Variants in DLGAP2 observed in about 807,000 individuals in gnomAD.
DLGAP2 encodes the protein DLG associated protein 2.
In DLGAP2, 26 loss-of-function variants were observed where a neutral mutation model predicts 100.3. That is an observed-to-expected ratio of 0.26 (90% CI 0.19 to 0.36). The LOEUF (loss-of-function observed/expected upper bound fraction) is 0.36. DLGAP2 is among the 10% of genes least tolerant of loss of function. The pLI, the probability that DLGAP2 is intolerant of heterozygous loss-of-function variation, is 1.00. For synonymous variants in DLGAP2, 886 were observed against 630.1 expected (o/e 1.41, Z -6.08); for missense variants, 1,858 against 1,453.2 (o/e 1.28, Z -4.53).
At chr8:1,586,012 T>A (rs150228999) in intron 6 of DLGAP2, among the ~76,000 whole-genome samples, 33 of 152,366 alleles carry the variant, frequency 2.2e-4, no homozygotes, top group African/African-American at 7.7e-4. Flanking sequence ...TACAATTTCC[T>A]TTTTTCTCCC....
intron 3 of DLGAP2, among the ~76,000 whole-genome samples, chr8:1,455,999 G>T (rs1563160211): frequency 6.6e-6 from 1 of 152,194 alleles, no homozygotes; most frequent in African/African-American, 2.4e-5. Context: ...AAGACCTGAT[G>T]CCCCATGATG....
chr8:963,560 A>G (rs1371814061), intron 2 of DLGAP2, among the ~76,000 whole-genome samples: 1 of 152,204 alleles, frequency 6.6e-6, no homozygotes, highest in Non-Finnish European at 1.5e-5. Flanking sequence ...TCCTCTCAAC[A>G]CAACGTAAGC....
At position 1,464,329 on chromosome 8, in the gene DLGAP2, G is replaced by C. The variant is rs1758532594; in HGVS notation, c.107-37037G>C. Among the ~76,000 whole-genome samples the C allele has an allele frequency of 1.5e-5, 2 of 130,930 alleles. 1 individual carries two copies. Among genetic ancestry groups the C allele is most frequent in the Non-Finnish European group, 3.3e-5 (2 of 61,468 alleles). The allele number at this position is 130,930 out of a possible 152,430, so 85.9% of individuals were successfully genotyped here. A position where few individuals can be genotyped will look rare whatever the true frequency, so the allele number is the denominator to read the frequency against. ...CCCTTCCAGGACAACGCCCTTCCAG[G>C]ACGGCACCCTTCCAGGACGGCACCC... On this transcript the variant is annotated intron_variant, in intron 3 of 14. Coordinates refer to ENST00000637795, the MANE Select transcript of DLGAP2 (RefSeq NM_001346810.2).
At chr8:1,034,518 T>C (rs1420497599) in intron 2 of DLGAP2, among the ~76,000 whole-genome samples, 2 of 59,922 alleles carry the variant, frequency 3.3e-5, no homozygotes, top group Admixed American at 1.5e-4. Flanking sequence ...CGCGAGTGGA[T>C]TCACACCCTC....
Position 921,321 on chromosome 8 carries a change from G to T in DLGAP2, c.73+13355G>T, listed in dbSNP as rs1783158434. ...TCCTCCCTGTTGCAGTGTTGAGTGT[G>T]GATGCGTGTCTATGGCCATTTCTGT... is the stretch of plus-strand genomic sequence containing the variant. On this transcript the variant is annotated intron_variant, in intron 2 of 14. Transcript: ENST00000637795. 1.3e-5 allele frequency among the ~76,000 whole-genome samples: 2 copies of T among 152,102 alleles called. 1 individual carries two copies. The highest frequency in any genetic ancestry group is 4.1e-4 in the South Asian group (2 of 4,824).
At chr8:881,267 C>G (rs1360909020) in intron 1 of DLGAP2, among the ~76,000 whole-genome samples, 2 of 152,170 alleles carry the variant, frequency 1.3e-5, no homozygotes, top group Non-Finnish European at 2.9e-5. Flanking sequence ...AGTCATACAT[C>G]TACATGGAGT....
At chr8:1,415,008 CAAAAGAAAAAAAA>C (rs1373813907) in intron 3 of DLGAP2, among the ~76,000 whole-genome samples, 1 of 150,438 alleles carries the variant, frequency 6.6e-6, no homozygotes, top group Non-Finnish European at 1.5e-5. Context: ...GACTCCGTCT[CAAAAGAAAAAAAA>C]AGAAGAAAAA....
chr8:1,701,421 G>T lies in DLGAP2; in HGVS notation c.*15G>T. On this transcript the variant is annotated 3_prime_UTR_variant, in exon 15 of 15. Coordinates refer to ENST00000637795, the MANE Select transcript of DLGAP2 (RefSeq NM_001346810.2). Reference sequence around the variant, plus strand: ...CCCGGCTCTGAGGGCGGAGGCCGGCGCCTTCCCCTCGTCGCTTCCGCTTTC... The same window carrying T: ...CCCGGCTCTGAGGGCGGAGGCCGGCTCCTTCCCCTCGTCGCTTCCGCTTTC... The T allele has an allele frequency of 1.9e-6, 3 of 1,568,844 alleles. No homozygotes were observed. Among genetic ancestry groups the T allele is most frequent in the Admixed American group, 1.8e-5 (1 of 54,110 alleles).
intron 4 of DLGAP2, among the ~76,000 whole-genome samples, chr8:1,537,162 G>T (rs941181709): frequency 1.3e-5 from 2 of 152,136 alleles, no homozygotes; most frequent in African/African-American, 2.4e-5. Context: ...AAGCCTCTGG[G>T]TTCTCCTGGA....
intron 1 of DLGAP2, among the ~76,000 whole-genome samples, chr8:779,866 A>G (rs1821640779): frequency 1.3e-5 from 2 of 151,916 alleles, no homozygotes; most frequent in Admixed American, 6.6e-5. Context: ...ATAAATTTAT[A>G]TTTTATTTTA....
At chr8:869,156 A>G (rs1797552404) in intron 1 of DLGAP2, among the ~76,000 whole-genome samples, 1 of 152,020 alleles carries the variant, frequency 6.6e-6, no homozygotes, top group South Asian at 2.1e-4. Flanking sequence ...TTACATATAC[A>G]GCTTAGTGTA....
chr8:989,749 A>T (rs944380996), intron 2 of DLGAP2, among the ~76,000 whole-genome samples: 2 of 152,180 alleles, frequency 1.3e-5, no homozygotes, highest in African/African-American at 2.4e-5. Flanking sequence ...AATCTTATGA[A>T]ATACATAATA....
At chr8:1,482,716 G>A (rs1387385379) in intron 3 of DLGAP2, among the ~76,000 whole-genome samples, 2 of 152,224 alleles carry the variant, frequency 1.3e-5, no homozygotes, top group African/African-American at 2.4e-5. Context: ...CCTGGGATGC[G>A]CTTCCTTCCA....
chr8:1,207,771 G>A (rs1798026136), intron 2 of DLGAP2, among the ~76,000 whole-genome samples: 1 of 152,140 alleles, frequency 6.6e-6, no homozygotes, highest in Non-Finnish European at 1.5e-5. Flanking sequence ...CAGGAGTGAG[G>A]TGGTGTCACA....
intron 2 of DLGAP2, among the ~76,000 whole-genome samples, chr8:1,050,727 C>G (rs761846426): frequency 1.3e-5 from 2 of 152,196 alleles, no homozygotes; most frequent in Non-Finnish European, 2.9e-5. Context: ...TTTAAAGTAT[C>G]TTCTCCTTAA....
chr8:1,516,135 G>A (rs753047001), intron 4 of DLGAP2, among the ~76,000 whole-genome samples: 3 of 152,126 alleles, frequency 2.0e-5, no homozygotes, highest in East Asian at 3.9e-4. Context: ...GGAAAGGAAA[G>A]AGGGAGGGAA....
chr8:1,678,821 C>G, intron 12 of DLGAP2, 192 bp downstream of exon 12: 1 of 601,576 alleles, frequency 1.7e-6, no homozygotes, highest in Non-Finnish European at 2.5e-6. Context: ...GCAGTCACTA[C>G]GATATCGAAG....
chr8:924,693 C>G (rs1798778125), intron 2 of DLGAP2, among the ~76,000 whole-genome samples: 2 of 152,110 alleles, frequency 1.3e-5, no homozygotes, highest in East Asian at 3.9e-4. Context: ...AGGGATTTTC[C>G]TGCCTCAGCC....
At position 933,534 on chromosome 8, in the gene DLGAP2, G is replaced by C. The variant is rs187911120; in HGVS notation, c.73+25568G>C. Among the ~76,000 whole-genome samples the C allele has an allele frequency of 7.8e-5, 10 of 127,932 alleles. No homozygotes were observed. The South Asian group carries it at 2.6e-3, about 33-fold the overall frequency. The allele number at this position is 127,932 out of a possible 152,430, so 83.9% of individuals were successfully genotyped here. On this transcript the variant is annotated intron_variant, in intron 2 of 14. Coordinates refer to ENST00000637795, the MANE Select transcript of DLGAP2 (RefSeq NM_001346810.2). ...GAGCCTGCTGTGGAGACACCTGGCCGTGGGCATGAGGGGAGGGTGAGGGCA... is the reference window on the plus strand; with the variant it reads ...GAGCCTGCTGTGGAGACACCTGGCCCTGGGCATGAGGGGAGGGTGAGGGCA...
Sources: allele counts gnomAD v4.1 joint callset (sites outside exome capture counted in the v4.1 genomes callset), GRCh38; gene constraint gnomAD v4.1.1; transcripts MANE v1.5; gene names NCBI Gene and HGNC (gene_info 2026-07-23, HGNC 2026-07-21).